WWOX: variants seen among roughly 807,000 people sequenced by gnomAD.
WWOX encodes WW domain containing oxidoreductase.
Under a neutral mutation model 46.2 loss-of-function variants are expected in WWOX, and 69 were observed. That is an observed-to-expected ratio of 1.49 (90% CI 1.23 to 1.82). The LOEUF is 1.82. Ranked by LOEUF, WWOX falls within the 40% of genes most tolerant of loss-of-function variation. WWOX has a pLI of 0.00. For synonymous variants in WWOX, 359 were observed against 202.6 expected, an observed-to-expected ratio of 1.77 and a Z score of -6.56; for missense variants, 919 against 542.6, an observed-to-expected ratio of 1.69 and a Z score of -6.89.
At chr16:78,706,783 A>C (rs1862825) in intron 8 of WWOX, among the ~76,000 whole-genome samples, 95,458 of 151,908 alleles carry the variant, frequency 0.63, 30,710 homozygotes, top group African/African-American at 0.79. Flanking sequence ...TACCCTTGCA[A>C]CTGACTCAGG....
intron 8 of WWOX, among the ~76,000 whole-genome samples, chr16:78,878,911 A>AG (rs1259630604): frequency 1.6e-5 from 2 of 126,580 alleles, no homozygotes; most frequent in Non-Finnish European, 3.7e-5. Flanking sequence ...GAAAAAAAAA[A>AG]AAAAAAAAAG....
At chr16:78,508,978 G>A (rs987266136) in intron 8 of WWOX, among the ~76,000 whole-genome samples, 2 of 152,212 alleles carry the variant, frequency 1.3e-5, no homozygotes, top group African/African-American at 4.8e-5. Flanking sequence ...ACGAGATTTC[G>A]CCAGCAGGAT....
intron 8 of WWOX, among the ~76,000 whole-genome samples, chr16:78,921,343 A>C (rs8059300): frequency 0.77 from 117,796 of 152,106 alleles, 48,235 homozygotes; most frequent in East Asian, 0.94. Context: ...GTTCTAGCTG[A>C]CATAATTTCA....
intron 8 of WWOX, among the ~76,000 whole-genome samples, chr16:78,655,635 G>C (rs2047063779): frequency 6.6e-6 from 1 of 152,114 alleles, no homozygotes; most frequent in East Asian, 1.9e-4. Context: ...GTGATAATTG[G>C]GTTTGGAATT....
At chr16:79,049,871 A>G (rs2048134626) in intron 8 of WWOX, among the ~76,000 whole-genome samples, 1 of 151,962 alleles carries the variant, frequency 6.6e-6, no homozygotes, top group African/African-American at 2.4e-5. Context: ...CTGAGTTAAA[A>G]TATGAAGAGT....
chr16:78,209,851 A>G (rs1193910511), intron 5 of WWOX, among the ~76,000 whole-genome samples: 1 of 152,186 alleles, frequency 6.6e-6, no homozygotes, highest in African/African-American at 2.4e-5. Flanking sequence ...TTCCAAGGGT[A>G]AGACCTTCAT....
At chr16:78,514,899 C>T (rs942328450) in intron 8 of WWOX, among the ~76,000 whole-genome samples, 6 of 152,098 alleles carry the variant, frequency 3.9e-5, no homozygotes, top group African/African-American at 9.7e-5. Context: ...TTTCATATAT[C>T]AGGTAGCAAG....
intron 8 of WWOX, among the ~76,000 whole-genome samples, chr16:79,126,571 C>T (rs2049760126): frequency 6.6e-6 from 1 of 152,130 alleles, no homozygotes; most frequent in African/African-American, 2.4e-5. Context: ...TGGTAAGTTT[C>T]CTGAGGCCTC....
intron 1 of WWOX, among the ~76,000 whole-genome samples, chr16:78,101,471 C>A (rs528969585): frequency 6.6e-6 from 1 of 151,346 alleles, no homozygotes; most frequent in Admixed American, 6.6e-5. Flanking sequence ...CTCAGCCTCC[C>A]GAATAGCTGG....
At chr16:78,966,027 C>G (rs1190261958) in intron 8 of WWOX, among the ~76,000 whole-genome samples, 1 of 152,154 alleles carries the variant, frequency 6.6e-6, no homozygotes, top group Non-Finnish European at 1.5e-5. Flanking sequence ...TCTCCAGGTG[C>G]TATCTGTGTG....
At chr16:78,123,380 G>T (rs1049665343) in intron 4 of WWOX, 2 of 138,762 alleles carry the variant, frequency 1.4e-5, no homozygotes, top group Non-Finnish European at 3.1e-5. Context: ...TAATACCTCT[G>T]TTTAAGGTTC....
rs553012479 is a variant in WWOX at position 78,421,623 on chromosome 16, C to T, written c.606-3247C>T. ...ACTCACAGATTCCTACCATTCAACC[C>T]ACTATAAAGCAGTGGCATATGAAAA... On this transcript the variant is annotated intron_variant, in intron 6 of 8. Coordinates refer to ENST00000566780, the MANE Select transcript of WWOX (RefSeq NM_016373.4). 1.2e-4 allele frequency among the ~76,000 whole-genome samples: 18 copies of T among 152,260 alleles called. No individual in the cohort carries two copies. In the South Asian group the frequency reaches 3.5e-3, roughly 30 times the overall value.
chr16:78,378,049 G>A (rs1482420928), intron 5 of WWOX, among the ~76,000 whole-genome samples: 2 of 152,016 alleles, frequency 1.3e-5, no homozygotes, highest in African/African-American at 2.4e-5. Flanking sequence ...GATGCTGGAT[G>A]GTTGATTTGA....
At chr16:78,863,806 A>G (rs566595183) in intron 8 of WWOX, among the ~76,000 whole-genome samples, 1 of 152,324 alleles carries the variant, frequency 6.6e-6, no homozygotes, top group Non-Finnish European at 1.5e-5. Flanking sequence ...AGTTGGAATG[A>G]TGGCTCTCAA....
chr16:78,525,219 C>G (rs968659538), intron 8 of WWOX: 1 of 134,788 alleles, frequency 7.4e-6, no homozygotes, highest in Non-Finnish European at 1.6e-5. Flanking sequence ...GGAGTCTTGC[C>G]CTGTCCCCCA....
chr16:78,863,252 C>A (rs563077933), intron 8 of WWOX, among the ~76,000 whole-genome samples: 1 of 152,280 alleles, frequency 6.6e-6, no homozygotes, highest in Admixed American at 6.5e-5. Context: ...GCCACCACTC[C>A]CAGCCAGCCA....
intron 8 of WWOX, among the ~76,000 whole-genome samples, chr16:78,635,357 C>A (rs1421023332): frequency 6.6e-6 from 1 of 152,126 alleles, no homozygotes; most frequent in Non-Finnish European, 1.5e-5. Flanking sequence ...TAGGCCACTC[C>A]CTTAGATCCT....
chr16:78,563,335 T>G (rs35920603), intron 8 of WWOX, among the ~76,000 whole-genome samples: 24,157 of 152,020 alleles, frequency 0.16, 2,359 homozygotes, highest in African/African-American at 0.28. Context: ...TTTTCAATAC[T>G]CTGAATATCA....
chr16:78,491,600 C>G (rs1597158704), intron 8 of WWOX, among the ~76,000 whole-genome samples: 1 of 152,072 alleles, frequency 6.6e-6, no homozygotes, highest in Non-Finnish European at 1.5e-5. Flanking sequence ...GTAGCTGGGA[C>G]TACAGTTGTG....
Sources: gnomAD v4.1 joint callset for allele counts (sites outside exome capture counted in the v4.1 genomes callset) on GRCh38, gnomAD v4.1.1 for gene constraint, MANE v1.5 for transcripts, NCBI Gene and HGNC (gene_info 2026-07-23, HGNC 2026-07-21) for gene names.